MICU3: variants seen among roughly 807,000 people sequenced by gnomAD.
The protein encoded by MICU3 is calcium uptake protein 3, mitochondrial.
Under a neutral mutation model 66.5 loss-of-function variants are expected in MICU3, and 62 were observed. The observed-to-expected ratio is 0.93, with a 90% confidence interval of 0.76 to 1.15. MICU3 has a LOEUF of 1.15. Among genes scored for constraint, MICU3 ranks in the 50% most tolerant of loss-of-function variants. The pLI is 0.00. For missense variants in MICU3, 779 were observed against 664.4 expected (o/e 1.17, Z -1.90); for synonymous variants, 308 against 240.7 (o/e 1.28, Z -2.59).
At chr8:17,098,232 ATTGTAC>A (rs932405577) in intron 8 of MICU3, among the ~76,000 whole-genome samples, 1 of 151,728 alleles carries the variant, frequency 6.6e-6, no homozygotes, top group African/African-American at 2.4e-5. Context: ...ACAAAGCTAC[ATTGTAC>A]TTACAAATAG....
At chr8:17,065,008 C>T (rs1444751100) in intron 2 of MICU3, among the ~76,000 whole-genome samples, 1 of 152,008 alleles carries the variant, frequency 6.6e-6, no homozygotes, top group Admixed American at 6.6e-5. Context: ...CACTAGGGAC[C>T]AGGTTTGAGG....
At chr8:17,113,732 T>A (rs1176072166) in intron 11 of MICU3, among the ~76,000 whole-genome samples, 1 of 152,096 alleles carries the variant, frequency 6.6e-6, no homozygotes, top group Non-Finnish European at 1.5e-5. Context: ...GTTTTTTTTC[T>A]TTATTATCAT....
intron 9 of MICU3, chr8:17,102,302 GATA>G (rs1801335806): frequency 6.6e-6 from 1 of 151,754 alleles, no homozygotes; most frequent in Admixed American, 6.6e-5. Context: ...AATTTAAGCG[GATA>G]ATAAGTAAGA....
chr8:17,098,336 CAA>C (rs1002283444), intron 8 of MICU3, 120 bp from the exon 9 acceptor site: 6 of 764,348 alleles, frequency 7.8e-6, no homozygotes, highest in Non-Finnish European at 1.4e-5. Flanking sequence ...ACAAAACAAA[CAA>C]ACAAAAAAAG....
At chr8:17,124,945 C>A (rs183055962), downstream of MICU3, among the ~76,000 whole-genome samples, 15 of 152,074 alleles carry the variant, frequency 9.9e-5, no homozygotes, top group African/African-American at 2.9e-4. Flanking sequence ...AATTAATGTA[C>A]CTTGATAAAA....
At position 17,064,073 on chromosome 8, in the gene MICU3, C is replaced by G. The variant is rs747117282; in HGVS notation, c.382-11C>G. On this transcript the variant is annotated splice_polypyrimidine_tract_variant and intron_variant, in intron 1 of 14. Coordinates refer to ENST00000318063, the MANE Select transcript of MICU3 (RefSeq NM_181723.3). The stretch of plus-strand genomic sequence containing the variant: ...CACATCATCCAAATGTATTTGCTTT[C>G]TTAACTTTAGGTTGCTATTGGCAGA... 2.5e-6 allele frequency: 4 copies of G among 1,602,890 alleles called. No individual in the cohort carries two copies. In the Admixed American group the frequency reaches 5.1e-5, roughly 20 times the overall value.
intron 2 of MICU3, among the ~76,000 whole-genome samples, chr8:17,065,534 T>A (rs1818548461): frequency 6.6e-6 from 1 of 152,056 alleles, no homozygotes; most frequent in South Asian, 2.1e-4. Flanking sequence ...ACAAAAGGCT[T>A]TGAAAGGATG....
At chr8:17,133,213 AT>A in the MICU3 span, 1 of 152,206 alleles carries the variant, frequency 6.6e-6, no homozygotes, top group Non-Finnish European at 1.5e-5. Context: ...TCTGGTTATG[AT>A]GGGGAAAGTG....
At position 17,093,198 on chromosome 8, in the gene MICU3, A is replaced by G. The variant is rs372584376; in HGVS notation, c.888+2614A>G. 1.3e-4 allele frequency among the ~76,000 whole-genome samples: 20 copies of G among 151,990 alleles called. No individual in the cohort carries two copies. In the East Asian group the frequency reaches 3.5e-3, roughly 26 times the overall value. ...TCTCATGTGGTCAACTCTTAATTTC[A>G]TCATTGCACAGTGATGAAAAGAAGT... On this transcript the variant is annotated intron_variant, in intron 8 of 14. Coordinates refer to ENST00000318063, the MANE Select transcript of MICU3 (RefSeq NM_181723.3).
chr8:17,118,810 TAAC>T lies in MICU3; in HGVS notation c.*38_*40del, dbSNP rs747536846. 4 of 1,237,906 alleles carry T rather than the reference TAAC, an allele frequency of 3.2e-6. No homozygotes were observed. In the East Asian group the frequency reaches 9.3e-5, roughly 29 times the overall value. The allele number at this position is 1,237,906 out of a possible 1,614,324, so 76.7% of individuals were successfully genotyped here. A position where few individuals can be genotyped will look rare whatever the true frequency, so the allele number is the denominator to read the frequency against. On this transcript the variant is annotated intron_variant, in intron 14 of 14. Coordinates refer to ENST00000318063, the MANE Select transcript of MICU3 (RefSeq NM_181723.3). ...CTTCTATTTGTCTAAATTTGTTCAGTAACAATAGGGATCATAATTTATTTTTCT... is the reference window on the plus strand; with the variant it reads ...CTTCTATTTGTCTAAATTTGTTCAGTAATAGGGATCATAATTTATTTTTCT...
At chr8:17,107,542 G>A (rs1259241513) in intron 11 of MICU3, among the ~76,000 whole-genome samples, 1 of 152,148 alleles carries the variant, frequency 6.6e-6, no homozygotes, top group African/African-American at 2.4e-5. Flanking sequence ...GTGATGGGAA[G>A]CCACTATAGT....
At chr8:17,071,299 G>C (rs1819552267) in intron 3 of MICU3, among the ~76,000 whole-genome samples, 1 of 152,094 alleles carries the variant, frequency 6.6e-6, no homozygotes, top group South Asian at 2.1e-4. Context: ...CTTGAAGTCT[G>C]AGATCCAGGT....
intron 11 of MICU3, among the ~76,000 whole-genome samples, chr8:17,110,760 G>GT (rs200440816): frequency 4.9e-4 from 73 of 150,262 alleles, no homozygotes; most frequent in South Asian, 6.4e-4. Context: ...TAGAGACAGG[G>GT]TTTTTTTTTG....
intron 7 of MICU3, among the ~76,000 whole-genome samples, chr8:17,087,646 A>C (rs114585912): frequency 6.6e-6 from 1 of 152,040 alleles, no homozygotes; most frequent in African/African-American, 2.4e-5. Context: ...AACGGACACT[A>C]TACTAGGTGC....
chr8:17,084,742 C>T (rs1799278810), intron 5 of MICU3, among the ~76,000 whole-genome samples: 1 of 152,060 alleles, frequency 6.6e-6, no homozygotes, highest in South Asian at 2.1e-4. Flanking sequence ...ATTACATATT[C>T]AGTCTTCTTT....
intron 11 of MICU3, among the ~76,000 whole-genome samples, chr8:17,111,542 T>G (rs1802207306): frequency 6.6e-6 from 1 of 152,204 alleles, no homozygotes; most frequent in Non-Finnish European, 1.5e-5. Context: ...GTCTAATTTA[T>G]CTATTTTTAT....
chr8:17,095,769 C>T (rs1800613149), intron 8 of MICU3, among the ~76,000 whole-genome samples: 1 of 151,812 alleles, frequency 6.6e-6, no homozygotes, highest in African/African-American at 2.4e-5. Context: ...TTCCTTCCTC[C>T]CTTCCTTTTT....
intron 11 of MICU3, among the ~76,000 whole-genome samples, chr8:17,112,459 C>T (rs566977893): frequency 6.6e-6 from 1 of 152,176 alleles, no homozygotes; most frequent in African/African-American, 2.4e-5. Context: ...CTCTGACTGT[C>T]TGTCCCTCTT....
chr8:17,078,027 A>G (rs928475270), intron 4 of MICU3, among the ~76,000 whole-genome samples, 166 bp downstream of exon 4: 11 of 151,996 alleles, frequency 7.2e-5, no homozygotes, highest in African/African-American at 2.7e-4. Context: ...CTGGGTATTA[A>G]TGTTGCTCTT....
Sources: gnomAD v4.1 joint callset for allele counts (sites outside exome capture counted in the v4.1 genomes callset) on GRCh38, gnomAD v4.1.1 for gene constraint, MANE v1.5 for transcripts, NCBI Gene and HGNC (gene_info 2026-07-23, HGNC 2026-07-21) for gene names.